HS2ST1: variants seen among roughly 807,000 people sequenced by gnomAD.
HS2ST1 encodes the protein 2-O-sulfotransferase.
In HS2ST1, 18 loss-of-function variants were observed where a neutral mutation model predicts 42.9. The ratio of observed to expected loss-of-function variants is 0.42; its 90% CI spans 0.29 to 0.62. The LOEUF is 0.62. Among genes scored for constraint, HS2ST1 ranks in the 20% least tolerant of loss-of-function variants. HS2ST1 has a pLI of 0.21. For missense variants in HS2ST1, 334 were observed against 433.8 expected, an observed-to-expected ratio of 0.77 and a Z score of 2.04; for synonymous variants, 146 against 152.9, an observed-to-expected ratio of 0.95 and a Z score of 0.33.
chr1:87,026,758 T>C (rs1000941483), intron 1 of HS2ST1, among the ~76,000 whole-genome samples: 6 of 151,942 alleles, frequency 3.9e-5, no homozygotes, highest in Admixed American at 1.3e-4. Flanking sequence ...AATGGCAACA[T>C]AAAACTAGGG....
chr1:87,051,775 G>C (rs1156708742), intron 1 of HS2ST1, among the ~76,000 whole-genome samples: 1 of 152,150 alleles, frequency 6.6e-6, no homozygotes, highest in East Asian at 1.9e-4. Flanking sequence ...ACAGGATCCT[G>C]AATAATGGTT....
At chr1:87,062,200 A>G (rs996689510) in intron 1 of HS2ST1, among the ~76,000 whole-genome samples, 6 of 151,780 alleles carry the variant, frequency 4.0e-5, no homozygotes, top group African/African-American at 9.7e-5. Context: ...ATTCATGTCA[A>G]TGTATTTTTA....
At chr1:86,979,945 GATT>G (rs1648529467) in intron 1 of HS2ST1, among the ~76,000 whole-genome samples, 1 of 152,120 alleles carries the variant, frequency 6.6e-6, no homozygotes, top group South Asian at 2.1e-4. Context: ...TTCTGCATAA[GATT>G]ACCCTGTCTT....
chr1:87,086,129 T>A (rs1393622115), intron 3 of HS2ST1, among the ~76,000 whole-genome samples: 1 of 152,162 alleles, frequency 6.6e-6, no homozygotes, highest in Non-Finnish European at 1.5e-5. Flanking sequence ...AGCCATATGC[T>A]CCATAAATGG....
chr1:87,023,300 T>C (rs1465240514), intron 1 of HS2ST1, among the ~76,000 whole-genome samples: 1 of 152,162 alleles, frequency 6.6e-6, no homozygotes, highest in African/African-American at 2.4e-5. Context: ...AGGATATTCA[T>C]TGCAGCAGTT....
chr1:87,019,094 A>G (rs1018914591), intron 1 of HS2ST1, among the ~76,000 whole-genome samples: 2 of 152,220 alleles, frequency 1.3e-5, no homozygotes, highest in African/African-American at 4.8e-5. Context: ...AGAATTTTAG[A>G]TTTATCAATC....
intron 1 of HS2ST1, among the ~76,000 whole-genome samples, chr1:86,918,627 G>T (rs1161887644): frequency 6.6e-6 from 1 of 151,892 alleles, no homozygotes; most frequent in African/African-American, 2.4e-5. Flanking sequence ...TGAGATTGCT[G>T]GGACAAAGAA....
intron 1 of HS2ST1, among the ~76,000 whole-genome samples, chr1:86,950,160 CGTT>C (rs1260790680): frequency 1.3e-5 from 2 of 152,194 alleles, no homozygotes; most frequent in Non-Finnish European, 2.9e-5. Flanking sequence ...GACAAACTGA[CGTT>C]ACGTATTCCT....
intron 2 of HS2ST1, among the ~76,000 whole-genome samples, chr1:87,080,149 C>T (rs1165289092): frequency 1.3e-5 from 2 of 152,078 alleles, no homozygotes; most frequent in Non-Finnish European, 2.9e-5. Context: ...AATTCAAAAT[C>T]CTACATAGAT....
intron 1 of HS2ST1, among the ~76,000 whole-genome samples, chr1:87,063,087 C>T (rs1403479405): frequency 6.6e-6 from 1 of 152,178 alleles, no homozygotes; most frequent in Admixed American, 6.5e-5. Flanking sequence ...TCTTTGAGCA[C>T]TTTTCAACCC....
chr1:87,050,139 T>C (rs180738857), intron 1 of HS2ST1, among the ~76,000 whole-genome samples: 1 of 152,086 alleles, frequency 6.6e-6, no homozygotes, highest in African/African-American at 2.4e-5. Context: ...TTTCTCTCAT[T>C]TAAAGTGGTT....
intron 1 of HS2ST1, among the ~76,000 whole-genome samples, chr1:86,954,980 C>T (rs761386707): frequency 5.9e-4 from 89 of 152,030 alleles, no homozygotes; most frequent in Non-Finnish European, 1.0e-3. Flanking sequence ...TCCCTGTAGT[C>T]CCAGCTACTC....
intron 1 of HS2ST1, among the ~76,000 whole-genome samples, chr1:86,994,979 T>A (rs913680813): frequency 3.3e-5 from 5 of 152,148 alleles, no homozygotes; most frequent in South Asian, 4.1e-4. Context: ...AGAATAAAGT[T>A]CATTAATGCT....
At chr1:86,965,347 G>A (rs1324724989) in intron 1 of HS2ST1, among the ~76,000 whole-genome samples, 1 of 151,930 alleles carries the variant, frequency 6.6e-6, no homozygotes. Context: ...AACCTCGGTG[G>A]GCTTTTCCCC....
At chr1:86,960,521 C>T (rs1417985698) in intron 1 of HS2ST1, among the ~76,000 whole-genome samples, 1 of 152,174 alleles carries the variant, frequency 6.6e-6, no homozygotes, top group Non-Finnish European at 1.5e-5. Flanking sequence ...GGGAGAAAAT[C>T]TTTGGAAAAT....
intron 1 of HS2ST1, among the ~76,000 whole-genome samples, chr1:87,037,381 C>T (rs6671008): frequency 0.011 from 1,363 of 124,968 alleles, 28 homozygotes; most frequent in African/African-American, 0.035. Flanking sequence ...ATTTATTCTA[C>T]TTGGTTGTAG....
intron 5 of HS2ST1, among the ~76,000 whole-genome samples, chr1:87,102,533 A>T (rs1652238093): frequency 6.6e-6 from 1 of 152,322 alleles, no homozygotes; most frequent in Admixed American, 6.5e-5. Context: ...GTTAGAGGGA[A>T]CAAATATCCA....
intron 2 of HS2ST1, 76 bp from the exon 3 acceptor site, chr1:87,084,118 A>G (rs763008691): frequency 2.1e-6 from 2 of 933,322 alleles, no homozygotes; most frequent in Admixed American, 5.1e-5. Context: ...TTAAATTCCT[A>G]TCTTGGAAAT....
intron 1 of HS2ST1, among the ~76,000 whole-genome samples, chr1:86,938,846 A>G (rs942935404): frequency 6.6e-6 from 1 of 152,236 alleles, no homozygotes; most frequent in Non-Finnish European, 1.5e-5. Flanking sequence ...AGGAAATGTC[A>G]GAACAGTATA....
Sources: allele counts gnomAD v4.1 joint callset (sites outside exome capture counted in the v4.1 genomes callset), GRCh38; gene constraint gnomAD v4.1.1; transcripts MANE v1.5; gene names NCBI Gene and HGNC (gene_info 2026-07-23, HGNC 2026-07-21).